Variants in MIGA1 observed in about 807,000 individuals in gnomAD.
MIGA1 encodes family with sequence similarity 73, member A.
MIGA1 carries 58 observed loss-of-function variants against 82.0 expected under a neutral mutation model. The observed-to-expected ratio is 0.71, with a 90% CI of 0.57 to 0.88. MIGA1 has a LOEUF of 0.88. Among genes scored for constraint, MIGA1 ranks in the 40% least tolerant of loss-of-function variants. The probability of loss-of-function intolerance (pLI) is 0.00; values close to 1 mark genes in which losing one functional copy is unlikely to be tolerated. For synonymous variants in MIGA1, 249 were observed against 253.6 expected, an observed-to-expected ratio of 0.98 and a Z score of 0.17; for missense variants, 751 against 749.1, an observed-to-expected ratio of 1.00 and a Z score of -0.03.
chr1:77,812,360 T>A (rs776450877), intron 5 of MIGA1, among the ~76,000 whole-genome samples: 1 of 151,996 alleles, frequency 6.6e-6, no homozygotes, highest in Non-Finnish European at 1.5e-5. Flanking sequence ...TCCCAGTTAC[T>A]TGGGAGGCTG....
At position 77,878,061 on chromosome 1, in the gene MIGA1, A is replaced by G. The variant is rs1012011340; in HGVS notation, c.*2997A>G. On this transcript the variant is annotated 3_prime_UTR_variant, in exon 16 of 16. Coordinates refer to ENST00000370791, the MANE Select transcript of MIGA1 (RefSeq NM_198549.4). ...ACTTTTTAAAGGAAATGTCCTCTTG[A>G]AAAGAACATTTCTGACTGCATGCAG... 2 of 152,176 alleles carry G rather than the reference A, an allele frequency of 1.3e-5. No individual in the cohort carries two copies. The highest frequency in any genetic ancestry group is 2.9e-5 in the Non-Finnish European group (2 of 68,030). 9.4% of individuals were successfully genotyped at this position (152,176 alleles called of 1,614,324 possible).
At chr1:77,798,434 A>G (rs1682747502) in intron 2 of MIGA1, among the ~76,000 whole-genome samples, 1 of 152,218 alleles carries the variant, frequency 6.6e-6, no homozygotes, top group East Asian at 1.9e-4. Flanking sequence ...GGTAGAAGGC[A>G]AAAGGTGCGT....
At chr1:77,844,375 GATT>G (rs1684759329) in intron 8 of MIGA1, among the ~76,000 whole-genome samples, 1 of 151,712 alleles carries the variant, frequency 6.6e-6, no homozygotes. Flanking sequence ...TAGATTGTAT[GATT>G]ATAATTTTGT....
chr1:77,868,069 C>G (rs1044598664), intron 14 of MIGA1, among the ~76,000 whole-genome samples: 1 of 152,064 alleles, frequency 6.6e-6, no homozygotes, highest in Non-Finnish European at 1.5e-5. Context: ...GGTGTTAATG[C>G]CTACTTAATA....
Position 77,801,485 on chromosome 1 carries a change from C to T in MIGA1, c.350C>T (p.Thr117Ile). Residue 117 changes from threonine to isoleucine, a missense_variant, in exon 3 of 16, where the codon ACT becomes ATT. Physicochemically the swap from Thr to Ile is moderately conservative, Grantham distance 89 (BLOSUM62 -1). Around this residue, in one of 3 missense-constraint regions of MIGA1, gnomAD observed 482 missense variants for 439.4 expected, o/e 1.10. Transcript: ENST00000370791. Reference sequence around the variant, plus strand: ...CCAGAGCACCTCATACTTGAATACACTAAAAGAGCAGCATCAGACAAAGGT... The same window carrying T: ...CCAGAGCACCTCATACTTGAATACATTAAAAGAGCAGCATCAGACAAAGGT... The T allele has an allele frequency of 6.3e-7, 1 of 1,599,112 alleles. No homozygotes were observed. Among genetic ancestry groups the T allele is most frequent in the South Asian group, 1.1e-5 (1 of 87,628 alleles).
intron 6 of MIGA1, 99 bp downstream of exon 6, chr1:77,813,966 G>GAGTTCAAGACTCAGC: frequency 7.7e-7 from 1 of 1,291,302 alleles, no homozygotes; most frequent in Non-Finnish European, 1.1e-6. Context: ...TGTTACCCAG[G>GAGTTCAAGACTCAGC]CTGAGTCTTG....
intron 14 of MIGA1, 57 bp from the exon 15 acceptor site, chr1:77,872,947 G>A (rs1464820824): frequency 6.2e-7 from 1 of 1,605,708 alleles, no homozygotes; most frequent in Non-Finnish European, 8.5e-7. Flanking sequence ...TTCTGTACTA[G>A]AGAAAGCAAG....
intron 8 of MIGA1, chr1:77,848,071 A>G (rs1684910891): frequency 3.1e-6 from 4 of 1,294,228 alleles, no homozygotes; most frequent in Non-Finnish European, 4.5e-6. Context: ...TCGAGAGGAC[A>G]CGAGAAAAGG....
chr1:77,848,723 T>C (rs2101904272), intron 8 of MIGA1: 1 of 1,522,460 alleles, frequency 6.6e-7, no homozygotes, highest in Non-Finnish European at 9.1e-7. Flanking sequence ...GAAACTGTAA[T>C]GTCAGCTAGA....
At chr1:77,811,501 A>G in intron 5 of MIGA1, 1 of 1,561,816 alleles carries the variant, frequency 6.4e-7, no homozygotes, top group African/African-American at 1.4e-5. Context: ...GATTGGTTCT[A>G]GCTTCTTCAG....
At chr1:77,799,536 C>T (rs1682789843) in intron 2 of MIGA1, among the ~76,000 whole-genome samples, 1 of 152,112 alleles carries the variant, frequency 6.6e-6, no homozygotes, top group African/African-American at 2.4e-5. Flanking sequence ...AGGACGTATC[C>T]TCATTGTGAA....
intron 7 of MIGA1, among the ~76,000 whole-genome samples, chr1:77,823,198 A>G (rs964569726): frequency 1.3e-5 from 2 of 152,186 alleles, no homozygotes; most frequent in African/African-American, 4.8e-5. Flanking sequence ...TTGAAAATAA[A>G]TGATGTCTAT....
chr1:77,857,518 C>A (rs1414078268), intron 8 of MIGA1, among the ~76,000 whole-genome samples: 3 of 151,802 alleles, frequency 2.0e-5, no homozygotes, highest in Non-Finnish European at 1.5e-5. Context: ...CCTGGCCCCC[C>A]CTAATTTTTT....
intron 8 of MIGA1, among the ~76,000 whole-genome samples, chr1:77,855,961 G>T (rs1685241092): frequency 6.6e-6 from 1 of 152,048 alleles, no homozygotes; most frequent in Non-Finnish European, 1.5e-5. Context: ...GGGCATCCTT[G>T]TCTTGTTCCC....
At chr1:77,812,435 C>T (rs1048889287) in intron 5 of MIGA1, among the ~76,000 whole-genome samples, 1 of 151,948 alleles carries the variant, frequency 6.6e-6, no homozygotes, top group African/African-American at 2.4e-5. Context: ...CAGAGTGAGA[C>T]TCTGTCTCAA....
In MIGA1 at chr1:77,878,599, C is replaced by G. The variant is rs1646912829; in HGVS notation, c.*3535C>G. Reference sequence around the variant, plus strand: ...TTCCATATGTAAATTATAAGAGGGACTTCAATTAAGTCACTCCTGAGAAAA... The same window carrying G: ...TTCCATATGTAAATTATAAGAGGGAGTTCAATTAAGTCACTCCTGAGAAAA... On this transcript the variant is annotated 3_prime_UTR_variant, in exon 16 of 16. Coordinates refer to ENST00000370791, the MANE Select transcript of MIGA1 (RefSeq NM_198549.4). The G allele has an allele frequency of 3.5e-6, 1 of 287,044 alleles. No individual in the cohort carries two copies. Among genetic ancestry groups the G allele is most frequent in the Non-Finnish European group, 6.4e-6 (1 of 155,826 alleles). The allele number at this position is 287,044 out of a possible 1,614,324, so 17.8% of individuals were successfully genotyped here. A position where few individuals can be genotyped will look rare whatever the true frequency, so the allele number is the denominator to read the frequency against.
intron 1 of MIGA1, among the ~76,000 whole-genome samples, chr1:77,781,823 G>T (rs141119858): frequency 7.6e-4 from 115 of 152,268 alleles, no homozygotes; most frequent in African/African-American, 2.6e-3. Flanking sequence ...ACCCTAAGAG[G>T]TATTGCTGTG....
chr1:77,874,751 C>T, intron 15 of MIGA1, 95 bp from the exon 16 acceptor site: 1 of 818,848 alleles, frequency 1.2e-6, no homozygotes, highest in Non-Finnish European at 2.0e-6. Context: ...GTCAGGTCTT[C>T]TGAGTCCTGA....
chr1:77,780,269 A>C (rs1681847959), intron 1 of MIGA1: 1 of 632,386 alleles, frequency 1.6e-6, no homozygotes, highest in Non-Finnish European at 2.0e-6. Context: ...TGGATGTGAA[A>C]GATTACTCTG....
Sources: gnomAD v4.1 joint callset for allele counts (sites outside exome capture counted in the v4.1 genomes callset) on GRCh38, gnomAD v4.1.1 for gene constraint, gnomAD v4.1.1 regional missense constraint, MANE v1.5 for transcripts, NCBI Gene and HGNC (gene_info 2026-07-23, HGNC 2026-07-21) for gene names.